SH2D4A: variants seen among roughly 807,000 people sequenced by gnomAD.
SH2D4A encodes the protein SH2 domain containing 4A, also known as SH2 domain-containing protein 4A.
Under a neutral mutation model 64.7 loss-of-function variants are expected in SH2D4A, and 70 were observed. That is an observed-to-expected ratio of 1.08 (90% CI 0.89 to 1.32). The LOEUF (loss-of-function observed/expected upper bound fraction) is 1.32. SH2D4A is among the 40% of genes most tolerant of loss of function. The pLI, the probability that SH2D4A is intolerant of heterozygous loss-of-function variation, is 0.00. For synonymous variants in SH2D4A, 268 were observed against 200.7 expected (o/e 1.34, Z -2.83); for missense variants, 706 against 540.1 (o/e 1.31, Z -3.04).
intron 2 of SH2D4A, among the ~76,000 whole-genome samples, chr8:19,320,280 G>A (rs1303578616): frequency 6.6e-6 from 1 of 152,024 alleles, no homozygotes; most frequent in African/African-American, 2.4e-5. Flanking sequence ...GGAATCTCTG[G>A]TAGTTTGAGA....
intron 1 of SH2D4A, among the ~76,000 whole-genome samples, chr8:19,315,579 C>T (rs1015361820): frequency 8.5e-5 from 13 of 152,222 alleles, no homozygotes; most frequent in Admixed American, 3.3e-4. Context: ...TGGAAAACAA[C>T]GGATTCTCTG....
At chr8:19,366,078 G>A (rs1173698258) in intron 7 of SH2D4A, among the ~76,000 whole-genome samples, 1 of 152,070 alleles carries the variant, frequency 6.6e-6, no homozygotes, top group Admixed American at 6.6e-5. Flanking sequence ...GTTATAAAAA[G>A]CGTAAAGAAC....
At chr8:19,330,786 G>C (rs1216710459) in intron 2 of SH2D4A, among the ~76,000 whole-genome samples, 1 of 152,094 alleles carries the variant, frequency 6.6e-6, no homozygotes, top group African/African-American at 2.4e-5. Context: ...AATACCGACA[G>C]AGAACTACTT....
intron 2 of SH2D4A, 21 bp from the exon 3 acceptor site, chr8:19,332,934 T>A: frequency 6.2e-7 from 1 of 1,603,068 alleles, no homozygotes; most frequent in Non-Finnish European, 8.5e-7. Context: ...CTGAATTTTT[T>A]GTTTGTGTGT....
intron 4 of SH2D4A, among the ~76,000 whole-genome samples, chr8:19,355,032 A>G (rs2052768781): frequency 6.6e-6 from 1 of 152,222 alleles, no homozygotes; most frequent in Non-Finnish European, 1.5e-5. Context: ...GTATCCTTTT[A>G]TAATATTAAA....
chr8:19,352,654 G>C (rs2052726189), intron 4 of SH2D4A, among the ~76,000 whole-genome samples: 1 of 152,164 alleles, frequency 6.6e-6, no homozygotes, highest in Non-Finnish European at 1.5e-5. Context: ...CCTGAGGAAG[G>C]AGCAGGCTTC....
chr8:19,322,971 G>T (rs894909921), intron 2 of SH2D4A, among the ~76,000 whole-genome samples: 2 of 152,082 alleles, frequency 1.3e-5, no homozygotes, highest in African/African-American at 4.8e-5. Flanking sequence ...CACCGTGCCC[G>T]ACTTGTCTAC....
At chr8:19,362,293 T>C (rs749909577) in intron 6 of SH2D4A, among the ~76,000 whole-genome samples, 1 of 152,248 alleles carries the variant, frequency 6.6e-6, no homozygotes, top group African/African-American at 2.4e-5. Flanking sequence ...TGAAGTCAAG[T>C]ATAACAGGAT....
At chr8:19,323,342 T>C (rs1390381375) in intron 2 of SH2D4A, among the ~76,000 whole-genome samples, 1 of 152,110 alleles carries the variant, frequency 6.6e-6, no homozygotes, top group Non-Finnish European at 1.5e-5. Flanking sequence ...TTGTATATCT[T>C]GGGTAAAGTA....
In SH2D4A at chr8:19,357,280, C is replaced by T. The variant is rs1242438397; in HGVS notation, c.591C>T (p.His197=). 1 of 1,611,710 alleles carries T rather than the reference C, an allele frequency of 6.2e-7. No homozygotes were observed. The highest frequency in any genetic ancestry group is 2.2e-5 in the East Asian group (1 of 44,884). ...SINRMKAYAF[H]QKKESMKKKQ... The stretch of plus-strand genomic sequence containing the variant: ...ATCGTATGAAGGCATATGCATTTCA[C>T]CAGGTAAAAGACTTCCCTTCTGTCC... The change falls in exon 5 of 10, where the codon CAC becomes CAT. Residue 197 remains histidine, a synonymous_variant. Transcript: ENST00000265807.
intron 2 of SH2D4A, among the ~76,000 whole-genome samples, chr8:19,331,421 T>A (rs2052363654): frequency 6.6e-6 from 1 of 152,180 alleles, no homozygotes; most frequent in Non-Finnish European, 1.5e-5. Context: ...GGCCCACAGT[T>A]GCCCTGGGTA....
intron 5 of SH2D4A, chr8:19,360,642 T>C (rs756032224): frequency 1.3e-5 from 2 of 152,132 alleles, no homozygotes; most frequent in African/African-American, 2.4e-5. Flanking sequence ...TATATTTCTT[T>C]TGAAACACTT....
intron 8 of SH2D4A, among the ~76,000 whole-genome samples, chr8:19,374,344 A>G (rs2053159404): frequency 6.6e-6 from 1 of 152,148 alleles, no homozygotes. Context: ...AAGAAAAGTG[A>G]GTGGCTTCTT....
At chr8:19,377,152 C>T (rs2153650571) in intron 8 of SH2D4A, among the ~76,000 whole-genome samples, 1 of 152,232 alleles carries the variant, frequency 6.6e-6, no homozygotes, top group East Asian at 1.9e-4. Context: ...GAGGCTAAGG[C>T]AGGTAGATCA....
chr8:19,368,235 C>T (rs1362987468), intron 7 of SH2D4A, among the ~76,000 whole-genome samples: 5 of 152,096 alleles, frequency 3.3e-5, no homozygotes, highest in Admixed American at 1.3e-4. Flanking sequence ...TTTATGCCAG[C>T]ACCATGCTGT....
intron 8 of SH2D4A, among the ~76,000 whole-genome samples, chr8:19,381,867 C>T (rs146155496): frequency 9.7e-4 from 147 of 151,984 alleles, no homozygotes; most frequent in African/African-American, 3.4e-3. Context: ...TGCATGTTGT[C>T]GGATGCTTTT....
chr8:19,368,980 C>A (rs1337605887), intron 7 of SH2D4A, among the ~76,000 whole-genome samples: 3 of 151,994 alleles, frequency 2.0e-5, no homozygotes, highest in Non-Finnish European at 4.4e-5. Flanking sequence ...CATATATGAC[C>A]TGTATTGGGT....
chr8:19,364,040 G>A (rs746851519), intron 6 of SH2D4A, 32 bp from the exon 7 acceptor site: 2 of 1,610,420 alleles, frequency 1.2e-6, no homozygotes, highest in African/African-American at 2.7e-5. Flanking sequence ...GTGGGCTGAT[G>A]AGGGTTTTCT....
chr8:19,356,918 C>A (rs1359720588), intron 4 of SH2D4A, among the ~76,000 whole-genome samples: 2 of 152,176 alleles, frequency 1.3e-5, no homozygotes, highest in Non-Finnish European at 2.9e-5. Context: ...TCCCCAGGGC[C>A]CTCCAGGGCC....
Sources: allele counts gnomAD v4.1 joint callset (sites outside exome capture counted in the v4.1 genomes callset), GRCh38; gene constraint gnomAD v4.1.1; transcripts MANE v1.5; gene names NCBI Gene and HGNC (gene_info 2026-07-23, HGNC 2026-07-21).